Variants in SBF2 observed in about 807,000 individuals in gnomAD.
The protein encoded by SBF2 is myotubularin-related protein 13.
Under a neutral mutation model 225.2 loss-of-function variants are expected in SBF2, and 112 were observed. That is an observed-to-expected ratio of 0.50 (90% CI 0.43 to 0.58). The LOEUF is 0.58. SBF2 is among the 20% of genes least tolerant of loss of function. The pLI is 0.00. For synonymous variants in SBF2, 763 were observed against 773.3 expected, an observed-to-expected ratio of 0.99 and a Z score of 0.22; for missense variants, 1,996 against 2,206.2, an observed-to-expected ratio of 0.90 and a Z score of 1.91.
At chr11:10,023,601 T>C (rs1050838248) in intron 6 of SBF2, among the ~76,000 whole-genome samples, 23 of 152,224 alleles carry the variant, frequency 1.5e-4, no homozygotes, top group Non-Finnish European at 3.4e-4. Flanking sequence ...ATTTTGGACA[T>C]TCCACATAAA....
chr11:10,073,459 T>C (rs1950972536), intron 2 of SBF2, among the ~76,000 whole-genome samples: 1 of 152,164 alleles, frequency 6.6e-6, no homozygotes, highest in Non-Finnish European at 1.5e-5. Flanking sequence ...GCACCTGTAA[T>C]CTCAGCACTT....
intron 16 of SBF2, among the ~76,000 whole-genome samples, chr11:9,901,611 A>C (rs1564977028): frequency 6.6e-6 from 1 of 152,230 alleles, no homozygotes; most frequent in Non-Finnish European, 1.5e-5. Flanking sequence ...GGGTTAAGTC[A>C]TACCCTATAA....
At chr11:9,784,737 T>G (rs1034833585) in intron 37 of SBF2, among the ~76,000 whole-genome samples, 1 of 150,200 alleles carries the variant, frequency 6.7e-6, no homozygotes, top group Non-Finnish European at 1.5e-5. Flanking sequence ...TAGAAGATAC[T>G]GTGTGAGAAG....
chr11:9,972,882 T>C (rs187021775), intron 13 of SBF2, among the ~76,000 whole-genome samples: 1 of 152,326 alleles, frequency 6.6e-6, no homozygotes, highest in East Asian at 1.9e-4. Flanking sequence ...TACAAGCTTG[T>C]AAAAAAGATC....
chr11:10,141,718 C>A lies in SBF2; in HGVS notation c.141+52184G>T, dbSNP rs75990889. 0.019 allele frequency among the ~76,000 whole-genome samples: 2,847 copies of A among 152,210 alleles called. 292 individuals carry two copies. The East Asian group carries it at 0.28, about 15-fold the overall frequency. The stretch of plus-strand genomic sequence containing the variant: ...TACTAGTAAGTATAGGATTGGAAAT[C>A]CTTTCAGAAAGCAAATCATAGTGAA... On this transcript the variant is annotated intron_variant, in intron 2 of 39. Transcript: ENST00000256190.
intron 2 of SBF2, among the ~76,000 whole-genome samples, chr11:10,193,613 A>C (rs992640765): frequency 1.3e-5 from 2 of 152,036 alleles, no homozygotes; most frequent in African/African-American, 4.8e-5. Flanking sequence ...TGGCCTCCCA[A>C]AGTGCTGGGA....
At chr11:9,897,877 C>A (rs1861395281) in intron 16 of SBF2, among the ~76,000 whole-genome samples, 1 of 152,114 alleles carries the variant, frequency 6.6e-6, no homozygotes, top group Non-Finnish European at 1.5e-5. Flanking sequence ...GGTGTTTTTT[C>A]CTCTAGACAC....
chr11:9,907,084 G>GT (rs989197320), intron 16 of SBF2, among the ~76,000 whole-genome samples: 2 of 152,116 alleles, frequency 1.3e-5, no homozygotes, highest in Non-Finnish European at 2.9e-5. Flanking sequence ...TCAGAAAAAA[G>GT]TTTTTTTGAA....
chr11:10,179,478 A>C (rs1591150758), intron 2 of SBF2, among the ~76,000 whole-genome samples: 1 of 152,148 alleles, frequency 6.6e-6, no homozygotes, highest in African/African-American at 2.4e-5. Flanking sequence ...CCATGTGCTG[A>C]GGAGAACATA....
chr11:10,108,515 C>CTTT (rs34189666), intron 2 of SBF2, among the ~76,000 whole-genome samples: 23 of 83,482 alleles, frequency 2.8e-4, no homozygotes, highest in South Asian at 1.9e-3. Context: ...TAATAGTTAA[C>CTTT]TTTTTTTTTT....
chr11:10,007,619 C>T (rs1000518932), intron 6 of SBF2, among the ~76,000 whole-genome samples: 2 of 152,188 alleles, frequency 1.3e-5, no homozygotes, highest in African/African-American at 4.8e-5. Flanking sequence ...CATAGTCAGG[C>T]AGCCCCCTCT....
intron 18 of SBF2, among the ~76,000 whole-genome samples, chr11:9,857,483 G>A (rs1037900178): frequency 2.6e-5 from 4 of 152,180 alleles, no homozygotes; most frequent in African/African-American, 4.8e-5. Flanking sequence ...AGCCGTTAAG[G>A]CTGCTTTAAG....
chr11:10,130,230 C>T (rs1382134897), intron 2 of SBF2, among the ~76,000 whole-genome samples: 2 of 151,516 alleles, frequency 1.3e-5, no homozygotes, highest in African/African-American at 2.4e-5. Context: ...GGTGTGGTGG[C>T]GGGCACCTGT....
intron 38 of SBF2, chr11:9,783,205 G>A (rs963856909): frequency 2.0e-5 from 3 of 152,202 alleles, no homozygotes; most frequent in African/African-American, 7.2e-5. Flanking sequence ...TTTACACAGT[G>A]TAGGCTCTAT....
At chr11:10,300,811 CTTTT>C (rs570381146) in intron 1 of SBF2, among the ~76,000 whole-genome samples, 3 of 138,122 alleles carry the variant, frequency 2.2e-5, no homozygotes, top group Non-Finnish European at 4.7e-5. Flanking sequence ...CTCTCTCTCT[CTTTT>C]TTTTTTTTTT....
chr11:9,799,750 C>T (rs10770065), intron 32 of SBF2, among the ~76,000 whole-genome samples: 41,915 of 152,028 alleles, frequency 0.28, 5,900 homozygotes, highest in Middle Eastern at 0.4. Flanking sequence ...AAAAATCATA[C>T]TTTCTCCATT....
chr11:10,267,042 C>G (rs1006981145), intron 1 of SBF2, among the ~76,000 whole-genome samples: 1 of 152,052 alleles, frequency 6.6e-6, no homozygotes. Context: ...TGCAATGGGC[C>G]GAGATCGTGC....
chr11:10,273,790 T>C (rs912947299), intron 1 of SBF2, among the ~76,000 whole-genome samples: 1 of 152,176 alleles, frequency 6.6e-6, no homozygotes, highest in African/African-American at 2.4e-5. Flanking sequence ...GACATTTGGA[T>C]GGAAAACTGG....
chr11:9,917,537 G>A (rs1863201991), intron 16 of SBF2, among the ~76,000 whole-genome samples: 1 of 151,448 alleles, frequency 6.6e-6, no homozygotes, highest in Non-Finnish European at 1.5e-5. Flanking sequence ...TCACCATGTT[G>A]CCCAGGCTGG....
Sources: allele counts gnomAD v4.1 joint callset (sites outside exome capture counted in the v4.1 genomes callset), GRCh38; gene constraint gnomAD v4.1.1; transcripts MANE v1.5; gene names NCBI Gene and HGNC (gene_info 2026-07-23, HGNC 2026-07-21).